Variants in CDC27 observed in about 807,000 individuals in gnomAD.
The protein encoded by CDC27 is cell division cycle protein 27 homolog.
Under a neutral mutation model 109.7 loss-of-function variants are expected in CDC27, and 27 were observed. The ratio of observed to expected loss-of-function variants is 0.25; its 90% CI spans 0.18 to 0.34. The LOEUF is 0.34. Among genes scored for constraint, CDC27 ranks in the 10% least tolerant of loss-of-function variants. The probability of loss-of-function intolerance (pLI) is 1.00; values close to 1 mark genes in which losing one functional copy is unlikely to be tolerated. For missense variants in CDC27, 579 were observed against 960.2 expected (o/e 0.60, Z 5.25); for synonymous variants, 266 against 333.9 (o/e 0.80, Z 2.22).
intron 9 of CDC27, among the ~76,000 whole-genome samples, chr17:47,148,563 C>A (rs1806533761): frequency 6.6e-6 from 1 of 152,066 alleles, no homozygotes; most frequent in South Asian, 2.1e-4. Flanking sequence ...ACCCACAGAT[C>A]CAAGAAGCTC....
intron 4 of CDC27, among the ~76,000 whole-genome samples, chr17:47,167,015 C>T (rs141869467): frequency 0.02 from 3,024 of 152,224 alleles, 52 homozygotes; most frequent in Middle Eastern, 0.061. Flanking sequence ...CCACCATGCC[C>T]GGCTAACTTT....
intron 12 of CDC27, among the ~76,000 whole-genome samples, chr17:47,140,317 T>C (rs1232644099): frequency 6.6e-6 from 1 of 152,142 alleles, no homozygotes; most frequent in Non-Finnish European, 1.5e-5. Context: ...TCTCACCACA[T>C]TGGCCAGGTT....
intron 18 of CDC27, among the ~76,000 whole-genome samples, chr17:47,121,693 G>T (rs573645154): frequency 4.6e-5 from 7 of 151,630 alleles, no homozygotes; most frequent in Non-Finnish European, 1.0e-4. Context: ...TCAGCCTCCT[G>T]AGTAGCTGCG....
chr17:47,152,634 A>G (rs538616382), intron 8 of CDC27, among the ~76,000 whole-genome samples: 23 of 152,262 alleles, frequency 1.5e-4, no homozygotes, highest in African/African-American at 5.1e-4. Flanking sequence ...CCCTTTGGCT[A>G]CCAGAGAATT....
intron 1 of CDC27, among the ~76,000 whole-genome samples, chr17:47,183,017 C>A (rs2021777038): frequency 6.6e-6 from 1 of 151,134 alleles, no homozygotes; most frequent in African/African-American, 2.4e-5. Flanking sequence ...AGACTCCCAT[C>A]AAAAAAACAC....
At chr17:47,132,184 A>G (rs1463143384) in intron 15 of CDC27, 73 bp downstream of exon 15, 1 of 769,280 alleles carries the variant, frequency 1.3e-6, no homozygotes, top group African/African-American at 1.8e-5. Context: ...TTTTTATCAC[A>G]GCAATTAAAT....
At chr17:47,127,765 C>T (rs1025717437) in intron 16 of CDC27, among the ~76,000 whole-genome samples, 10 of 151,130 alleles carry the variant, frequency 6.6e-5, no homozygotes, top group East Asian at 3.9e-4. Context: ...TGCAGTGGCG[C>T]GAAAACAGCT....
chr17:47,133,106 C>CAT (rs55717332), intron 14 of CDC27, among the ~76,000 whole-genome samples: 172 of 97,998 alleles, frequency 1.8e-3, no homozygotes, highest in Admixed American at 3.1e-3. Context: ...CACAAATATA[C>CAT]ATATATATAT....
rs1057074774 is a variant in CDC27, at chr17:47,157,226, T to C, written c.630+4A>G. On this transcript the variant is annotated splice_donor_region_variant and intron_variant, in intron 6 of 18. Coordinates refer to ENST00000066544, the MANE Select transcript of CDC27 (RefSeq NM_001256.6). ...TTTTGAACACTAGAATATAAGACAC[T>C]TACAATTGTGTCCTGGGGTGTTTCC... 2 of 1,606,822 alleles carry C rather than the reference T, an allele frequency of 1.2e-6. No homozygotes were observed.
In CDC27 at chr17:47,124,178, A is replaced by AATACAC. The variant is rs146307308; in HGVS notation, c.2161-219_2161-218insGTGTAT. On this transcript the variant is annotated intron_variant, in intron 16 of 18. Coordinates refer to ENST00000066544, the MANE Select transcript of CDC27 (RefSeq NM_001256.6). ...ATGGCAGGCACTCTAGTACACTGAA[A>AATACAC]ACACACACACACACACACACACACA... 7.0e-4 allele frequency among the ~76,000 whole-genome samples: 101 copies of AATACAC among 144,500 alleles called. 1 individual carries two copies. The East Asian group carries it at 0.018, about 26-fold the overall frequency. The allele number at this position is 144,500 out of a possible 152,430, so 94.8% of individuals were successfully genotyped here.
At chr17:47,159,612 T>G in intron 4 of CDC27, 1 of 461,884 alleles carries the variant, frequency 2.2e-6, no homozygotes, top group South Asian at 2.4e-5. Flanking sequence ...AGGATGTTGA[T>G]GGCCCTGCAG....
chr17:47,145,467 T>A (rs1397771640), intron 9 of CDC27, among the ~76,000 whole-genome samples: 1 of 152,152 alleles, frequency 6.6e-6, no homozygotes. Context: ...CCCAGGCTCC[T>A]GAGATCTACT....
intron 1 of CDC27, among the ~76,000 whole-genome samples, chr17:47,186,933 CTTATA>C (rs1438313307): frequency 2.0e-5 from 3 of 152,000 alleles, no homozygotes; most frequent in Non-Finnish European, 4.4e-5. Flanking sequence ...AAGACAGTAT[CTTATA>C]TATCTGTCCT....
intron 16 of CDC27, among the ~76,000 whole-genome samples, chr17:47,125,972 C>A (rs11570563): frequency 0.014 from 2,170 of 152,286 alleles, 63 homozygotes; most frequent in African/African-American, 0.05. Flanking sequence ...TTTCATGCAA[C>A]CAGCATGCCT....
intron 2 of CDC27, among the ~76,000 whole-genome samples, chr17:47,172,397 G>A (rs986932177): frequency 6.6e-6 from 1 of 151,944 alleles, no homozygotes; most frequent in African/African-American, 2.4e-5. Flanking sequence ...CTTGTTTTTA[G>A]GTAATATTTT....
chr17:47,159,651 T>C, intron 4 of CDC27: 1 of 450,514 alleles, frequency 2.2e-6, no homozygotes, highest in Non-Finnish European at 4.0e-6. Context: ...TTGGAGCATT[T>C]AACACCCAGA....
chr17:47,156,207 C>T (rs780559817), intron 7 of CDC27, among the ~76,000 whole-genome samples: 2 of 152,028 alleles, frequency 1.3e-5, no homozygotes, highest in Non-Finnish European at 2.9e-5. Flanking sequence ...GACACCATCT[C>T]GGCTCACTGC....
intron 7 of CDC27, 174 bp from the exon 8 acceptor site, chr17:47,154,960 A>G (rs1237737510): frequency 2.4e-6 from 1 of 414,230 alleles, no homozygotes; most frequent in East Asian, 3.5e-5. Context: ...TCCACCCACC[A>G]TAACTAAAAT....
At chr17:47,189,100 C>G (rs752416702) in intron 1 of CDC27, 46 bp downstream of exon 1, 8 of 1,603,102 alleles carry the variant, frequency 5.0e-6, no homozygotes, top group South Asian at 2.2e-5. Flanking sequence ...TGCTGCTTCC[C>G]GACCGAGGCT....
Sources: gnomAD v4.1 joint callset for allele counts (sites outside exome capture counted in the v4.1 genomes callset) on GRCh38, gnomAD v4.1.1 for gene constraint, MANE v1.5 for transcripts, NCBI Gene and HGNC (gene_info 2026-07-23, HGNC 2026-07-21) for gene names.